Variants in FAM120A observed in about 807,000 individuals in gnomAD.
FAM120A encodes constitutive coactivator of PPAR-gamma-like protein 1.
Under a neutral mutation model 109.7 loss-of-function variants are expected in FAM120A, and 15 were observed. The observed-to-expected ratio is 0.14, with a 90% confidence interval of 0.09 to 0.21. The LOEUF (loss-of-function observed/expected upper bound fraction) is 0.21, where lower values mean the gene tolerates loss of function less well. FAM120A is among the 10% of genes least tolerant of loss of function. The probability of loss-of-function intolerance (pLI) is 1.00; values close to 1 mark genes in which losing one functional copy is unlikely to be tolerated. For synonymous variants in FAM120A, 493 were observed against 572.8 expected, an observed-to-expected ratio of 0.86 and a Z score of 1.99; for missense variants, 899 against 1,439.3, an observed-to-expected ratio of 0.62 and a Z score of 6.07.
chr9:93,474,633 G>A (rs770189978), intron 2 of FAM120A, among the ~76,000 whole-genome samples: 5 of 151,454 alleles, frequency 3.3e-5, no homozygotes, highest in African/African-American at 9.7e-5. Flanking sequence ...TTGCTCTGTC[G>A]CCCAGGCTGG....
intron 11 of FAM120A, among the ~76,000 whole-genome samples, chr9:93,545,269 A>T (rs1484082174): frequency 6.6e-6 from 1 of 152,206 alleles, no homozygotes; most frequent in Non-Finnish European, 1.5e-5. Context: ...CTCCCAGTGC[A>T]GCATGAGGGA....
intron 5 of FAM120A, among the ~76,000 whole-genome samples, chr9:93,514,667 T>C (rs1243058041): frequency 6.6e-6 from 1 of 152,232 alleles, no homozygotes; most frequent in African/African-American, 2.4e-5. Context: ...GTGCAGCTCC[T>C]AGAGGTCCAT....
intron 10 of FAM120A, among the ~76,000 whole-genome samples, chr9:93,542,374 A>G (rs10992779): frequency 0.28 from 42,477 of 152,112 alleles, 7,005 homozygotes; most frequent in East Asian, 0.42. Context: ...TTAACATTCT[A>G]CTGTGCAATA....
rs765795111 is a variant in FAM120A, at chr9:93,497,456, C to T, written c.805-15C>T. On this transcript the variant is annotated splice_polypyrimidine_tract_variant and intron_variant, in intron 3 of 17. Transcript: ENST00000277165. ...GCTCACCATCCACTGTTGACACTTA[C>T]GTTTGTTTTCTCAGGTCCGGGCCCA... is the stretch of plus-strand genomic sequence containing the variant. The T allele has an allele frequency of 2.0e-5, 32 of 1,611,900 alleles. No homozygotes were observed. The highest frequency in any genetic ancestry group is 1.5e-5 in the Non-Finnish European group (18 of 1,179,400).
chr9:93,484,767 T>G (rs2131305792), intron 3 of FAM120A, among the ~76,000 whole-genome samples: 1 of 152,174 alleles, frequency 6.6e-6, no homozygotes, highest in East Asian at 1.9e-4. Context: ...GGAGATGGGG[T>G]TTCGCCATGT....
chr9:93,492,898 T>G (rs1859391340), intron 3 of FAM120A, among the ~76,000 whole-genome samples: 1 of 152,226 alleles, frequency 6.6e-6, no homozygotes. Context: ...TCTGTTTTCT[T>G]TTGAAGTGGG....
intron 13 of FAM120A, among the ~76,000 whole-genome samples, chr9:93,557,425 C>CA (rs1353545198): frequency 2.6e-5 from 4 of 152,108 alleles, no homozygotes. Context: ...CTGTTGCACC[C>CA]AGCCAGGGAC....
At chr9:93,557,795 G>T in intron 13 of FAM120A, 32 bp from the exon 14 acceptor site, 1 of 1,596,562 alleles carries the variant, frequency 6.3e-7, no homozygotes, top group South Asian at 1.1e-5. Context: ...CCCTGTGGAT[G>T]GCATTTTCAC....
chr9:93,479,864 T>C (rs1427608681), intron 3 of FAM120A, among the ~76,000 whole-genome samples: 1 of 152,246 alleles, frequency 6.6e-6, no homozygotes. Flanking sequence ...CCTCCCTGAC[T>C]GTCCACAGCC....
rs553625646 is a variant in FAM120A at position 93,545,392 on chromosome 9, G to A, written c.2159+1921G>A. Among the ~76,000 whole-genome samples, 60 of 152,216 alleles carry A rather than the reference G, an allele frequency of 3.9e-4. 1 individual carries two copies. Among genetic ancestry groups the A allele is most frequent in the Admixed American group, 3.9e-3 (59 of 15,284 alleles). The stretch of plus-strand genomic sequence containing the variant: ...GTCCCTCCCTGTGTTCATAGGGTAC[G>A]GTCTAGCATCCTGCTGCATTCGTAG... On this transcript the variant is annotated intron_variant, in intron 11 of 17. Transcript: ENST00000277165.
At chr9:93,559,035 G>T (rs573802229) in intron 15 of FAM120A, among the ~76,000 whole-genome samples, 1 of 152,224 alleles carries the variant, frequency 6.6e-6, no homozygotes, top group African/African-American at 2.4e-5. Context: ...TAATAGTGGC[G>T]TTTCTTTCCC....
intron 5 of FAM120A, among the ~76,000 whole-genome samples, chr9:93,502,596 ACACG>A (rs1370173763): frequency 6.5e-4 from 98 of 150,812 alleles, no homozygotes; most frequent in Admixed American, 2.8e-3. Flanking sequence ...ACACACACAC[ACACG>A]CACACTTGCA....
chr9:93,561,981 C>T (rs112641255), intron 16 of FAM120A, among the ~76,000 whole-genome samples: 2 of 152,182 alleles, frequency 1.3e-5, no homozygotes, highest in Admixed American at 6.5e-5. Context: ...AACCTGTTTA[C>T]GCCTAGTGTT....
chr9:93,526,383 A>G (rs1393760753), intron 7 of FAM120A, among the ~76,000 whole-genome samples: 1 of 152,166 alleles, frequency 6.6e-6, no homozygotes, highest in Non-Finnish European at 1.5e-5. Flanking sequence ...GTCCTGTTTC[A>G]GTTTTTTTAA....
chr9:93,508,106 C>G (rs891506676), intron 5 of FAM120A, among the ~76,000 whole-genome samples: 3 of 152,088 alleles, frequency 2.0e-5, no homozygotes, highest in Non-Finnish European at 2.9e-5. Flanking sequence ...CTCCTGCTAC[C>G]TGGTCTTTTG....
intron 1 of FAM120A, among the ~76,000 whole-genome samples, chr9:93,455,894 C>T (rs1002538252): frequency 7.2e-5 from 11 of 152,192 alleles, no homozygotes; most frequent in African/African-American, 2.7e-4. Context: ...AGCTCCTGAC[C>T]TCGTGATCCA....
At chr9:93,539,002 G>GTGT in intron 10 of FAM120A, among the ~76,000 whole-genome samples, 1 of 144,852 alleles carries the variant, frequency 6.9e-6, no homozygotes, top group East Asian at 2.1e-4. Context: ...CCCTAGAGTT[G>GTGT]TTTTTTTTTT....
At chr9:93,554,118 G>GACACACACAC (rs1198300929) in intron 12 of FAM120A, among the ~76,000 whole-genome samples, 1 of 30,426 alleles carries the variant, frequency 3.3e-5, no homozygotes, top group African/African-American at 1.0e-4. Flanking sequence ...AAGGCCATTT[G>GACACACACAC]ATACACACAC....
intron 1 of FAM120A, among the ~76,000 whole-genome samples, chr9:93,466,158 A>G (rs1858009263): frequency 6.6e-6 from 1 of 152,156 alleles, no homozygotes; most frequent in South Asian, 2.1e-4. Flanking sequence ...CTTTGGAAGC[A>G]GTAGATGAGT....
Sources: gnomAD v4.1 joint callset for allele counts (sites outside exome capture counted in the v4.1 genomes callset) on GRCh38, gnomAD v4.1.1 for gene constraint, MANE v1.5 for transcripts, NCBI Gene and HGNC (gene_info 2026-07-23, HGNC 2026-07-21) for gene names.